CD180: variants seen among roughly 807,000 people sequenced by gnomAD.
CD180 encodes CD180 molecule.
Under a neutral mutation model 10.7 loss-of-function variants are expected in CD180, and 11 were observed. The ratio of observed to expected loss-of-function variants is 1.03; its 90% CI spans 0.65 to 1.70. The LOEUF is 1.70. Ranked by LOEUF, CD180 falls within the 40% of genes most tolerant of loss-of-function variation. The probability of loss-of-function intolerance (pLI) is 0.00; values close to 1 mark genes in which losing one functional copy is unlikely to be tolerated. For synonymous variants in CD180, 286 were observed against 294.6 expected, an observed-to-expected ratio of 0.97 and a Z score of 0.30; for missense variants, 729 against 775.2, an observed-to-expected ratio of 0.94 and a Z score of 0.71.
In CD180 at chr5:67,182,777, G is replaced by T; in HGVS notation, c.*80C>A. The T allele has an allele frequency of 8.2e-7, 1 of 1,218,156 alleles. No homozygotes were observed. The highest frequency in any genetic ancestry group is 1.5e-5 in the South Asian group (1 of 65,116). The allele number at this position is 1,218,156 out of a possible 1,614,324, so 75.5% of individuals were successfully genotyped here. On this transcript the variant is annotated 3_prime_UTR_variant, in exon 3 of 3. Coordinates refer to ENST00000256447, the MANE Select transcript of CD180 (RefSeq NM_005582.3). ...GAAGCAATCTGAAAAGTCTGGTCTG[G>T]TCACCAGCAGATGACAGTTCTTTCA...
chr5:67,183,959 T>A lies in CD180; in HGVS notation c.884A>T (p.Gln295Leu). The change falls in exon 3 of 3, where the codon CAG becomes CTG. Residue 295 changes from glutamine to leucine, a missense_variant. Coordinates refer to ENST00000256447, the MANE Select transcript of CD180 (RefSeq NM_005582.3). The stretch of plus-strand genomic sequence containing the variant: ...CAATTCTTGGAGTTGGGTGAAGCAC[T>A]GAAATGTGGTGGATGAGATGTCAGA... ...RFSDISSTTF[Q>L]CFTQLQELDL... 6.2e-7 allele frequency: 1 copy of A among 1,614,224 alleles called. No individual in the cohort carries two copies. The highest frequency in any genetic ancestry group is 1.1e-5 in the South Asian group (1 of 91,086).
rs778376595 is a variant in CD180 at position 67,182,904 on chromosome 5, A to G, written c.1939T>C (p.Phe647Leu). Reference sequence around the variant, plus strand: ...CTGAGAAGGTATTTAACTGCAAAAAATAGCAGAATAGCCAACAATAATAGA... The same window carrying G: ...CTGAGAAGGTATTTAACTGCAAAAAGTAGCAGAATAGCCAACAATAATAGA... ...VFLLLLAILL[F>L]FAVKYLLRWK... Residue 647 changes from phenylalanine (F) to leucine (L), a missense_variant, in exon 3 of 3, where the codon TTT (phenylalanine) becomes CTT (leucine). Phe to Leu is a conservative substitution (Grantham distance 22). Transcript: ENST00000256447. The G allele has an allele frequency of 2.7e-5, 44 of 1,612,794 alleles. No individual in the cohort carries two copies. Among genetic ancestry groups the G allele is most frequent in the Non-Finnish European group, 3.5e-5 (41 of 1,179,492 alleles).
At chr5:67,190,709 C>T (rs1742289231) in intron 1 of CD180, among the ~76,000 whole-genome samples, 2 of 152,232 alleles carry the variant, frequency 1.3e-5, no homozygotes, top group Admixed American at 1.3e-4. Context: ...GTGTCATCTG[C>T]TTTGTCTCCA....
intron 1 of CD180, among the ~76,000 whole-genome samples, chr5:67,194,466 G>A (rs1024392107): frequency 6.6e-6 from 1 of 151,996 alleles, no homozygotes; most frequent in Non-Finnish European, 1.5e-5. Context: ...GGTGGACTCA[G>A]AACTAAGGAC....
chr5:67,183,559 T>C lies in CD180; in HGVS notation c.1284A>G (p.Ala428=), dbSNP rs987708093. 6.2e-7 allele frequency: 1 copy of C among 1,614,076 alleles called. No individual in the cohort carries two copies. The highest frequency in any genetic ancestry group is 1.3e-5 in the African/African-American group (1 of 74,914). ...GAGCATTAATGTGTAAGCGGGTAAATGCCAAATCGAGGAGTTCTAGCTGAG... is the reference window on the plus strand; with the variant it reads ...GAGCATTAATGTGTAAGCGGGTAAACGCCAAATCGAGGAGTTCTAGCTGAG... The part of the protein sequence containing the change: ...ECPQLELLDL[A]FTRLHINAPQ... The change falls in exon 3 of 3, where the codon GCA becomes GCG. Residue 428 remains alanine (A), a synonymous_variant. Transcript: ENST00000256447.
intron 1 of CD180, among the ~76,000 whole-genome samples, chr5:67,188,120 A>G (rs1170736165): frequency 6.6e-6 from 1 of 151,702 alleles, no homozygotes; most frequent in African/African-American, 2.4e-5. Context: ...CAGTGAGCCA[A>G]GATTGCACCA....
chr5:67,184,201 A>G lies in CD180; in HGVS notation c.642T>C (p.Ile214=). 1.9e-6 allele frequency: 3 copies of G among 1,614,150 alleles called. No homozygotes were observed. The highest frequency in any genetic ancestry group is 2.5e-6 in the Non-Finnish European group (3 of 1,180,012). The change falls in exon 3 of 3, where the codon ATT becomes ATC. Residue 214 remains isoleucine, a synonymous_variant. Transcript: ENST00000256447. ...LNFNGNNVKG[I]ELGAFDSTIF... ...TCGTTGAATCAAAAGCCCCAAGCTC[A>G]ATACCTTTAACATTATTGCCATTGA...
rs1415562361 is a variant in CD180, at chr5:67,183,675, G to A, written c.1168C>T (p.Leu390=). 3 of 1,614,018 alleles carry A rather than the reference G, an allele frequency of 1.9e-6. No homozygotes were observed. In the Admixed American group the frequency reaches 5.0e-5, roughly 27 times the overall value. Residue 390 remains leucine (L), a synonymous_variant, in exon 3 of 3, where the codon CTG becomes TTG. Coordinates refer to ENST00000256447, the MANE Select transcript of CD180 (RefSeq NM_005582.3). ...NDIEASDCCS[L]QLKNLSHLQT... ...AAGTGGGACAGGTTTTTGAGTTGCA[G>A]ACTGCAGCAGTCAGAAGCCTCTATG...
rs761034591 is a variant in CD180, at chr5:67,184,260, A to G, written c.583T>C (p.Ser195Pro). 3 of 1,613,978 alleles carry G rather than the reference A, an allele frequency of 1.9e-6. No individual in the cohort carries two copies. The South Asian group carries it at 3.3e-5, about 18-fold the overall frequency. Reference sequence around the variant, plus strand: ...CTTAGGTTGATGGCCTGCTCCAGAGACCTCATGTCTTCTCTAGAGATGTAG... The same window carrying G: ...CTTAGGTTGATGGCCTGCTCCAGAGGCCTCATGTCTTCTCTAGAGATGTAG... Reference protein sequence around the residue: ...IHYISREDMRSLEQAINLSLN... With the variant: ...IHYISREDMRPLEQAINLSLN... The change falls in exon 3 of 3, where the codon TCT (serine) becomes CCT (proline). Residue 195 changes from serine (S) to proline (P), a missense_variant. Coordinates refer to ENST00000256447, the MANE Select transcript of CD180 (RefSeq NM_005582.3).
chr5:67,192,218 G>A (rs1742321518), intron 1 of CD180, among the ~76,000 whole-genome samples: 2 of 151,968 alleles, frequency 1.3e-5, no homozygotes, highest in South Asian at 4.2e-4. Flanking sequence ...GTGAAACTCC[G>A]TCTCTACTAA....
chr5:67,184,004 T>C lies in CD180; in HGVS notation c.839A>G (p.Asn280Ser), dbSNP rs1742123494. Residue 280 changes from asparagine (N) to serine (S), a missense_variant, in exon 3 of 3, where the codon AAC (asparagine) becomes AGC (serine). Physicochemically the swap from Asn to Ser is conservative, Grantham distance 46. Coordinates refer to ENST00000256447, the MANE Select transcript of CD180 (RefSeq NM_005582.3). ...GTCAGAGAAGCGGTGTTCCTGCAGG[T>C]TGAGGCTCTCAACAGACATTTCACA... ...GLCEMSVESL[N>S]LQEHRFSDIS... The C allele has an allele frequency of 3.7e-6, 6 of 1,614,014 alleles. No homozygotes were observed. The highest frequency in any genetic ancestry group is 1.3e-5 in the African/African-American group (1 of 74,912).
chr5:67,194,510 C>A (rs1301090911), intron 1 of CD180, among the ~76,000 whole-genome samples: 1 of 152,186 alleles, frequency 6.6e-6, no homozygotes, highest in African/African-American at 2.4e-5. Context: ...CTTCCCCAAC[C>A]AGTCAACATT....
rs1742072760 is a variant in CD180, at chr5:67,182,685, CTTTA to C, written c.*168_*171del. On this transcript the variant is annotated 3_prime_UTR_variant, in exon 3 of 3. Coordinates refer to ENST00000256447, the MANE Select transcript of CD180 (RefSeq NM_005582.3). ...ATTCGGTGTACTTGCCTAGAAGGTT[CTTTA>C]GCTCTGGGACTCACAGGAGTAAGAA... The C allele has an allele frequency of 1.7e-6, 1 of 572,588 alleles. No individual in the cohort carries two copies. Among genetic ancestry groups the C allele is most frequent in the Non-Finnish European group, 3.1e-6 (1 of 326,678 alleles). 35.5% of individuals were successfully genotyped at this position (572,588 alleles called of 1,614,324 possible).
intron 1 of CD180, among the ~76,000 whole-genome samples, chr5:67,193,465 A>T (rs879616892): frequency 3.3e-4 from 50 of 152,250 alleles, no homozygotes; most frequent in African/African-American, 1.1e-3. Context: ...TGCATCCCCC[A>T]GCTCCCTCCC....
rs1430863002 is a variant in CD180 at position 67,182,674 on chromosome 5, C to T, written c.*183G>A. The T allele has an allele frequency of 5.4e-6, 3 of 552,298 alleles. No individual in the cohort carries two copies. Among genetic ancestry groups the T allele is most frequent in the Non-Finnish European group, 9.6e-6 (3 of 312,726 alleles). The allele number at this position is 552,298 out of a possible 1,614,324, so 34.2% of individuals were successfully genotyped here. A position where few individuals can be genotyped will look rare whatever the true frequency, so the allele number is the denominator to read the frequency against. On this transcript the variant is annotated 3_prime_UTR_variant, in exon 3 of 3. Coordinates refer to ENST00000256447, the MANE Select transcript of CD180 (RefSeq NM_005582.3). ...TGGACTGAGTCATTCGGTGTACTTGCCTAGAAGGTTCTTTAGCTCTGGGAC... is the reference window on the plus strand; with the variant it reads ...TGGACTGAGTCATTCGGTGTACTTGTCTAGAAGGTTCTTTAGCTCTGGGAC...
intron 2 of CD180, 26 bp downstream of exon 2, chr5:67,185,825 A>G (rs767703942): frequency 7.2e-6 from 11 of 1,519,206 alleles, no homozygotes; most frequent in Non-Finnish European, 9.7e-6. Flanking sequence ...AAAATAAAAG[A>G]GCACACAAAT....
Position 67,184,067 on chromosome 5 carries a change from T to C in CD180, c.776A>G (p.Asp259Gly). The C allele has an allele frequency of 8.7e-6, 14 of 1,614,178 alleles. No homozygotes were observed. The highest frequency in any genetic ancestry group is 1.2e-5 in the Non-Finnish European group (14 of 1,180,032). ...CATGGCTGAACTAATATCTTCGTCA[T>C]CAATGTCCTCAAATGTTCCCAGCCA... ...SLWLGTFEDI[D>G]DEDISSAMLK... is the part of the protein sequence containing the mutation. Residue 259 changes from aspartate to glycine, a missense_variant, in exon 3 of 3, where the codon GAT becomes GGT. Coordinates refer to ENST00000256447, the MANE Select transcript of CD180 (RefSeq NM_005582.3).
In CD180 at chr5:67,185,909, T is replaced by C. The variant is rs1742183753; in HGVS notation, c.199A>G (p.Thr67Ala). Reference protein sequence around the residue: ...FLEFSFNFLPTIHNRTFSRLM... With the variant: ...FLEFSFNFLPAIHNRTFSRLM... Reference sequence around the variant, plus strand: ...CTGCTGAAGGTTCTATTGTGAATTGTAGGCAAAAAATTAAAGCTGAATTCC... The same window carrying C: ...CTGCTGAAGGTTCTATTGTGAATTGCAGGCAAAAAATTAAAGCTGAATTCC... Residue 67 changes from threonine (T) to alanine (A), a missense_variant, in exon 2 of 3, where the codon ACA (threonine) becomes GCA (alanine). Physicochemically the swap from Thr to Ala is moderately conservative, Grantham distance 58. Transcript: ENST00000256447. 6.2e-7 allele frequency: 1 copy of C among 1,611,816 alleles called. No homozygotes were observed.
At chr5:67,190,842 C>CTG in intron 1 of CD180, 1 of 676,310 alleles carries the variant, frequency 1.5e-6, no homozygotes, top group Non-Finnish European at 1.8e-6. Flanking sequence ...GTATATCTAA[C>CTG]TCCCTCTCAT....
Sources: gnomAD v4.1 joint callset for allele counts (sites outside exome capture counted in the v4.1 genomes callset) on GRCh38, gnomAD v4.1.1 for gene constraint, MANE v1.5 for transcripts, NCBI Gene and HGNC (gene_info 2026-07-23, HGNC 2026-07-21) for gene names.